The following SORBS2 variants were observed in gnomAD, a reference collection of about 807,000 sequenced individuals.
SORBS2 encodes the protein sorbin and SH3 domain-containing protein 2.
A neutral mutation model predicts 97.7 loss-of-function variants in SORBS2; 46 were observed. The ratio of observed to expected loss-of-function variants is 0.47; its 90% CI spans 0.37 to 0.60. The LOEUF is 0.60. Ranked by LOEUF, SORBS2 falls within the 20% of genes least tolerant of loss-of-function variation. The probability of loss-of-function intolerance (pLI) is 0.00; values close to 1 mark genes in which losing one functional copy is unlikely to be tolerated. For synonymous variants in SORBS2, 476 were observed against 473.4 expected (o/e 1.01, Z -0.07); for missense variants, 1,316 against 1,282.3 (o/e 1.03, Z -0.40).
At chr4:185,639,008 C>A in intron 4 of SORBS2, 1 of 1,521,246 alleles carries the variant, frequency 6.6e-7, no homozygotes, top group Non-Finnish European at 8.8e-7. Context: ...TCCCTTGGAA[C>A]AGGTGTCGGA....
Position 185,827,806 on chromosome 4 carries a change from A to G in SORBS2, c.-337-52440T>C, listed in dbSNP as rs541359932. On this transcript the variant is annotated intron_variant, in intron 1 of 20. Coordinates refer to the SORBS2 transcript ENST00000284776. Reference sequence around the variant, plus strand: ...CATCATCGTCACCATCATCGTCATCATCACCATCATCACCGTCACCATCAT... The same window carrying G: ...CATCATCGTCACCATCATCGTCATCGTCACCATCATCACCGTCACCATCAT... 2.1e-3 allele frequency among the ~76,000 whole-genome samples: 313 copies of G among 148,970 alleles called. 5 individuals carry two copies. Among genetic ancestry groups the G allele is most frequent in the African/African-American group, 7.7e-3 (305 of 39,830 alleles).
At chr4:185,900,932 A>T (rs1175279829) in intron 1 of SORBS2, among the ~76,000 whole-genome samples, 1 of 152,252 alleles carries the variant, frequency 6.6e-6, no homozygotes, top group African/African-American at 2.4e-5. Context: ...AACATTGTTT[A>T]TGGACAGCTA....
chr4:185,900,647 G>A (rs552714163), intron 1 of SORBS2, among the ~76,000 whole-genome samples: 26 of 152,124 alleles, frequency 1.7e-4, no homozygotes, highest in Non-Finnish European at 3.1e-4. Context: ...CAAGACAAAT[G>A]TGAATTACAT....
chr4:185,757,872 A>G (rs2098840375), intron 2 of SORBS2, among the ~76,000 whole-genome samples: 1 of 152,216 alleles, frequency 6.6e-6, no homozygotes, highest in Non-Finnish European at 1.5e-5. Context: ...TGAGACCCCT[A>G]ATGGCAGCTT....
exon 4 of SORBS2, chr4:185,678,450 G>C: frequency 5.8e-6 from 9 of 1,550,766 alleles, no homozygotes; most frequent in African/African-American, 1.4e-5. Context: ...TATCTTGTAG[G>C]TTTGGTCGAA....
At chr4:185,897,140 C>T (rs1274343743) in intron 1 of SORBS2, among the ~76,000 whole-genome samples, 4 of 152,194 alleles carry the variant, frequency 2.6e-5, no homozygotes, top group South Asian at 2.1e-4. Context: ...CCTCCAGGAC[C>T]GTCACAGTAA....
chr4:185,931,492 C>A (rs996793634), intron 1 of SORBS2, among the ~76,000 whole-genome samples: 1 of 152,052 alleles, frequency 6.6e-6, no homozygotes, highest in Non-Finnish European at 1.5e-5. Context: ...AAGCAGGCTG[C>A]GGGTGAGCAG....
chr4:185,770,402 G>T (rs2098963240), intron 2 of SORBS2, among the ~76,000 whole-genome samples: 1 of 152,180 alleles, frequency 6.6e-6, no homozygotes, highest in Non-Finnish European at 1.5e-5. Flanking sequence ...CCGTGTTAAT[G>T]TCATCTTCAT....
At chr4:185,693,026 C>A (rs74929545) in intron 2 of SORBS2, among the ~76,000 whole-genome samples, 1 of 152,058 alleles carries the variant, frequency 6.6e-6, no homozygotes, top group East Asian at 1.9e-4. Flanking sequence ...TATCGTTGTC[C>A]GTCTGCCCTG....
chr4:185,886,487 G>A (rs981472065), intron 1 of SORBS2, among the ~76,000 whole-genome samples: 8 of 148,618 alleles, frequency 5.4e-5, no homozygotes, highest in African/African-American at 2.0e-4. Flanking sequence ...CCTGGGAGGC[G>A]GAGGTTGCAG....
chr4:185,759,238 G>A (rs535972047), intron 2 of SORBS2, among the ~76,000 whole-genome samples: 25 of 152,220 alleles, frequency 1.6e-4, no homozygotes, highest in Non-Finnish European at 2.2e-4. Context: ...TAAAGATATG[G>A]AGTAGGCGTT....
At chr4:185,762,098 T>G (rs894617208) in intron 2 of SORBS2, among the ~76,000 whole-genome samples, 5 of 152,224 alleles carry the variant, frequency 3.3e-5, no homozygotes, top group Admixed American at 3.3e-4. Context: ...GATGTTGCAA[T>G]AGCCTGTGAA....
chr4:185,884,498 G>A (rs759292906), intron 1 of SORBS2, among the ~76,000 whole-genome samples: 4 of 152,106 alleles, frequency 2.6e-5, no homozygotes, highest in Non-Finnish European at 5.9e-5. Context: ...TCAAAATAAA[G>A]GCTCCAAAAA....
At chr4:185,672,864 C>T (rs953228274) in intron 4 of SORBS2, among the ~76,000 whole-genome samples, 5 of 152,036 alleles carry the variant, frequency 3.3e-5, no homozygotes, top group African/African-American at 1.2e-4. Context: ...ATGCGGAGTG[C>T]AAGTGTTTAA....
intron 2 of SORBS2, among the ~76,000 whole-genome samples, chr4:185,748,056 T>C (rs1405423559): frequency 6.6e-6 from 1 of 152,320 alleles, no homozygotes; most frequent in South Asian, 2.1e-4. Flanking sequence ...CATTTTAAGC[T>C]GTGCTAAAAT....
At chr4:185,716,611 G>C (rs2098467118) in intron 2 of SORBS2, among the ~76,000 whole-genome samples, 1 of 152,086 alleles carries the variant, frequency 6.6e-6, no homozygotes, top group Non-Finnish European at 1.5e-5. Context: ...TTTTTTAAGG[G>C]CGTCTACTAA....
intron 1 of SORBS2, among the ~76,000 whole-genome samples, chr4:185,935,926 A>T (rs1479356126): frequency 6.6e-6 from 1 of 152,128 alleles, no homozygotes; most frequent in African/African-American, 2.4e-5. Flanking sequence ...ATCTCGGCTC[A>T]CTGCAGCCTC....
intron 4 of SORBS2, among the ~76,000 whole-genome samples, chr4:185,673,125 A>G (rs1376603484): frequency 6.6e-6 from 1 of 152,220 alleles, no homozygotes; most frequent in African/African-American, 2.4e-5. Context: ...AGAAGGACAA[A>G]TATCTGAGCA....
chr4:185,587,553 C>G, exon 15 of SORBS2: 1 of 1,349,202 alleles, frequency 7.4e-7, no homozygotes, highest in Non-Finnish European at 1.1e-6. Flanking sequence ...AACGGGAGGC[C>G]CGCGGGGTGT....
Sources: allele counts gnomAD v4.1 joint callset (sites outside exome capture counted in the v4.1 genomes callset), GRCh38; gene constraint gnomAD v4.1.1; transcripts MANE v1.5; gene names NCBI Gene and HGNC (gene_info 2026-07-23, HGNC 2026-07-21).